PTPRD: variants seen among roughly 807,000 people sequenced by gnomAD.
PTPRD encodes the protein protein tyrosine phosphatase receptor type D.
In PTPRD, 34 loss-of-function variants were observed where a neutral mutation model predicts 214.5. The ratio of observed to expected loss-of-function variants is 0.16; its 90% CI spans 0.12 to 0.21. PTPRD has a LOEUF of 0.21. Among genes scored for constraint, PTPRD ranks in the 10% least tolerant of loss-of-function variants. The probability of loss-of-function intolerance (pLI) is 1.00; values close to 1 mark genes in which losing one functional copy is unlikely to be tolerated. For synonymous variants in PTPRD, 1,128 were observed against 845.7 expected, an observed-to-expected ratio of 1.33 and a Z score of -5.79; for missense variants, 2,545 against 2,398.7, an observed-to-expected ratio of 1.06 and a Z score of -1.27.
Position 8,331,569 on chromosome 9 carries a change from A to G in PTPRD, c.5534+13T>C, listed in dbSNP as rs763165675. On this transcript the variant is annotated intron_variant, in intron 44 of 45. Coordinates refer to ENST00000381196, the MANE Select transcript of PTPRD (RefSeq NM_002839.4). ...ACCACTTATCACTGCTTTATTCACA[A>G]ATGGAAACTTACCTGCAATGGACTG... 7.5e-6 allele frequency: 12 copies of G among 1,598,488 alleles called. No individual in the cohort carries two copies. In the African/African-American group the frequency reaches 1.7e-4, roughly 23 times the overall value.
At chr9:9,436,416 T>C (rs1185167615) in intron 8 of PTPRD, among the ~76,000 whole-genome samples, 1 of 152,148 alleles carries the variant, frequency 6.6e-6, no homozygotes, top group Non-Finnish European at 1.5e-5. Flanking sequence ...TATTGAACCC[T>C]TTAATAAGGA....
intron 39 of PTPRD, among the ~76,000 whole-genome samples, chr9:8,343,549 G>A (rs1043770940): frequency 2.0e-5 from 3 of 152,022 alleles, no homozygotes; most frequent in African/African-American, 4.8e-5. Flanking sequence ...TGGTTCTAAA[G>A]AAACCTGTTA....
chr9:9,740,013 A>T (rs1016895057), intron 6 of PTPRD, among the ~76,000 whole-genome samples: 1 of 152,166 alleles, frequency 6.6e-6, no homozygotes, highest in East Asian at 1.9e-4. Context: ...TTTGTACACA[A>T]AGCACTTACT....
At chr9:8,533,595 G>A (rs1286683712) in intron 14 of PTPRD, among the ~76,000 whole-genome samples, 1 of 151,924 alleles carries the variant, frequency 6.6e-6, no homozygotes, top group African/African-American at 2.4e-5. Flanking sequence ...TTATCATGAA[G>A]CATTCATCCC....
chr9:8,970,230 C>T (rs2154331292), intron 11 of PTPRD, among the ~76,000 whole-genome samples: 1 of 151,976 alleles, frequency 6.6e-6, no homozygotes, highest in Middle Eastern at 3.4e-3. Context: ...GGCTTATCAG[C>T]ATAATTTACA....
At chr9:10,392,486 CTTATT>C (rs1326502967) in intron 2 of PTPRD, among the ~76,000 whole-genome samples, 2 of 151,740 alleles carry the variant, frequency 1.3e-5, no homozygotes, top group Non-Finnish European at 1.5e-5. Flanking sequence ...AACATCATTC[CTTATT>C]TTATTTAATG....
At chr9:10,205,441 T>C (rs977963851) in intron 3 of PTPRD, among the ~76,000 whole-genome samples, 5 of 151,974 alleles carry the variant, frequency 3.3e-5, no homozygotes, top group African/African-American at 1.2e-4. Context: ...AGTCTTACTC[T>C]GTTGCCCAGG....
chr9:8,586,994 A>G (rs566666798), intron 14 of PTPRD, among the ~76,000 whole-genome samples: 135 of 152,158 alleles, frequency 8.9e-4, no homozygotes, highest in African/African-American at 3.1e-3. Context: ...AAAAATACAA[A>G]AAATTATGCG....
chr9:9,818,726 G>A (rs2049632929), intron 5 of PTPRD, among the ~76,000 whole-genome samples: 2 of 151,828 alleles, frequency 1.3e-5, no homozygotes, highest in South Asian at 2.1e-4. Context: ...AGTCACCCTG[G>A]CTGACATGGT....
At position 8,349,115 on chromosome 9, in the gene PTPRD, A is replaced by G. The variant is rs559118033; in HGVS notation, c.4662-7137T>C. ...TCCCAGATCAATAACACATAGGGGA[A>G]CATTTCCCCGAAGCCCCCAGCATGG... On this transcript the variant is annotated intron_variant, in intron 39 of 45. Coordinates refer to ENST00000381196, the MANE Select transcript of PTPRD (RefSeq NM_002839.4). Among the ~76,000 whole-genome samples the G allele has an allele frequency of 5.6e-4, 86 of 152,272 alleles. 2 individuals carry two copies. Among genetic ancestry groups the G allele is most frequent in the East Asian group, 3.1e-3 (16 of 5,174 alleles).
chr9:8,613,203 A>G (rs955576725), intron 14 of PTPRD, among the ~76,000 whole-genome samples: 2 of 152,202 alleles, frequency 1.3e-5, no homozygotes, highest in Non-Finnish European at 2.9e-5. Context: ...AGACTGAATA[A>G]CAAATATAAA....
chr9:10,534,332 T>C (rs2057222080), intron 2 of PTPRD, among the ~76,000 whole-genome samples: 1 of 152,040 alleles, frequency 6.6e-6, no homozygotes, highest in African/African-American at 2.4e-5. Flanking sequence ...GCAATGGTTT[T>C]GTATGGAAGA....
intron 11 of PTPRD, among the ~76,000 whole-genome samples, chr9:8,771,956 A>G (rs990349268): frequency 2.6e-4 from 40 of 152,306 alleles, no homozygotes; most frequent in Non-Finnish European, 1.5e-4. Flanking sequence ...AGCAAATATC[A>G]GACTGTAAGA....
chr9:8,529,951 A>G (rs1295498815), intron 14 of PTPRD, among the ~76,000 whole-genome samples: 1 of 152,090 alleles, frequency 6.6e-6, no homozygotes, highest in African/African-American at 2.4e-5. Flanking sequence ...TTTAATCAAT[A>G]CCCCCTCACG....
At chr9:8,870,684 T>A (rs1031984621) in intron 11 of PTPRD, among the ~76,000 whole-genome samples, 8 of 38,286 alleles carry the variant, frequency 2.1e-4, no homozygotes, top group Non-Finnish European at 2.6e-4. Context: ...GACACAGACA[T>A]GAAACACACA....
At chr9:8,697,985 A>T (rs767427645) in intron 12 of PTPRD, among the ~76,000 whole-genome samples, 19 of 152,212 alleles carry the variant, frequency 1.2e-4, no homozygotes, top group Non-Finnish European at 2.5e-4. Flanking sequence ...TTCTGAGGTC[A>T]TGGAAAGTGT....
At chr9:9,013,933 T>C (rs949383520) in intron 11 of PTPRD, among the ~76,000 whole-genome samples, 1 of 152,176 alleles carries the variant, frequency 6.6e-6, no homozygotes, top group Admixed American at 6.6e-5. Context: ...TGGGTGCATC[T>C]TGCAGTTTAA....
At chr9:10,110,697 C>A (rs968729982) in intron 3 of PTPRD, among the ~76,000 whole-genome samples, 1 of 152,146 alleles carries the variant, frequency 6.6e-6, no homozygotes, top group African/African-American at 2.4e-5. Flanking sequence ...ATTGGCCTAT[C>A]CAATCCGTAA....
intron 8 of PTPRD, among the ~76,000 whole-genome samples, chr9:9,415,602 T>C (rs1473341740): frequency 2.6e-5 from 4 of 152,172 alleles, no homozygotes; most frequent in Non-Finnish European, 5.9e-5. Flanking sequence ...CAACTGAATA[T>C]AAATTCAACA....
Sources: gnomAD v4.1 joint callset for allele counts (sites outside exome capture counted in the v4.1 genomes callset) on GRCh38, gnomAD v4.1.1 for gene constraint, MANE v1.5 for transcripts, NCBI Gene and HGNC (gene_info 2026-07-23, HGNC 2026-07-21) for gene names.